LIN28B: variants seen among roughly 807,000 people sequenced by gnomAD.
The protein encoded by LIN28B is lin-28 RNA binding posttranscriptional regulator B.
A neutral mutation model predicts 21.9 loss-of-function variants in LIN28B; 5 were observed. The ratio of observed to expected loss-of-function variants is 0.23; its 90% CI spans 0.12 to 0.48. The LOEUF (loss-of-function observed/expected upper bound fraction) is 0.48. Among genes scored for constraint, LIN28B ranks in the 20% least tolerant of loss-of-function variants. LIN28B has a pLI of 0.98. For synonymous variants in LIN28B, 109 were observed against 111.3 expected (o/e 0.98, Z 0.13); for missense variants, 245 against 310.5 (o/e 0.79, Z 1.58).
At chr6:105,077,907 G>A (rs1364613254) in intron 3 of LIN28B, among the ~76,000 whole-genome samples, 1 of 152,064 alleles carries the variant, frequency 6.6e-6, no homozygotes, top group Non-Finnish European at 1.5e-5. Flanking sequence ...GGTTTCTACA[G>A]TCAAAATAAT....
intron 2 of LIN28B, among the ~76,000 whole-genome samples, chr6:104,997,485 A>G (rs1399256074): frequency 1.3e-5 from 2 of 151,974 alleles, no homozygotes; most frequent in Non-Finnish European, 2.9e-5. Context: ...CTGTATCTAT[A>G]TGTATAGTTT....
chr6:104,982,996 CAG>C (rs1353652677), intron 2 of LIN28B, among the ~76,000 whole-genome samples: 1 of 151,940 alleles, frequency 6.6e-6, no homozygotes, highest in Non-Finnish European at 1.5e-5. Flanking sequence ...TTGGTAGAGA[CAG>C]GGTCTTATTC....
chr6:105,014,765 G>GATAA (rs548935957), intron 2 of LIN28B, among the ~76,000 whole-genome samples: 13 of 152,040 alleles, frequency 8.6e-5, no homozygotes, highest in African/African-American at 2.4e-4. Flanking sequence ...TTTAAAAATA[G>GATAA]ATAAATAAAT....
At chr6:105,070,873 A>C (rs1772321033) in intron 3 of LIN28B, among the ~76,000 whole-genome samples, 1 of 151,968 alleles carries the variant, frequency 6.6e-6, no homozygotes, top group South Asian at 2.1e-4. Flanking sequence ...TGGTTTTTAC[A>C]TTCATTCATT....
intron 2 of LIN28B, among the ~76,000 whole-genome samples, chr6:104,979,914 A>G (rs1295958151): frequency 6.6e-6 from 1 of 152,162 alleles, no homozygotes; most frequent in Non-Finnish European, 1.5e-5. Context: ...GCCATTTATT[A>G]TTTTTAAAAA....
intron 2 of LIN28B, chr6:104,941,418 C>G (rs1778090189): frequency 7.5e-6 from 1 of 132,836 alleles, no homozygotes. Context: ...CGGTTGCTGC[C>G]GGGCGGCCAA....
intron 3 of LIN28B, among the ~76,000 whole-genome samples, chr6:105,036,442 T>A (rs956601009): frequency 3.3e-5 from 5 of 152,238 alleles, no homozygotes; most frequent in Admixed American, 6.5e-5. Context: ...AGGATGGTTA[T>A]CCAAGTCCTT....
chr6:105,023,209 G>GGA (rs866302609), intron 2 of LIN28B, among the ~76,000 whole-genome samples: 3 of 45,014 alleles, frequency 6.7e-5, no homozygotes, highest in Admixed American at 5.2e-4. Context: ...AGTTTCTTAT[G>GGA]GATATATATA....
chr6:105,024,400 T>C (rs1771243840), intron 2 of LIN28B, among the ~76,000 whole-genome samples: 2 of 152,140 alleles, frequency 1.3e-5, no homozygotes, highest in Non-Finnish European at 2.9e-5. Context: ...CTATGCTCCA[T>C]TTCATCTGTA....
chr6:105,010,622 T>C (rs1376493602), intron 2 of LIN28B, among the ~76,000 whole-genome samples: 1 of 152,234 alleles, frequency 6.6e-6, no homozygotes, highest in African/African-American at 2.4e-5. Context: ...GATTCATCTG[T>C]TTATCTTTTT....
In LIN28B at chr6:105,026,231, A is replaced by T. The variant is rs536791728; in HGVS notation, c.199-67A>T. 41 of 817,268 alleles carry T rather than the reference A, an allele frequency of 5.0e-5. No individual in the cohort carries two copies. The Middle Eastern group carries it at 1.7e-3, about 34-fold the overall frequency. The allele number at this position is 817,268 out of a possible 1,614,324, so 50.6% of individuals were successfully genotyped here. Reference sequence around the variant, plus strand: ...ATCTTTCTTTTTTAAAATTATAGAGATAATTTATAAAGCAATGATAATTTT... The same window carrying T: ...ATCTTTCTTTTTTAAAATTATAGAGTTAATTTATAAAGCAATGATAATTTT... On this transcript the variant is annotated intron_variant, in intron 2 of 3. Transcript: ENST00000345080.
intron 2 of LIN28B, among the ~76,000 whole-genome samples, chr6:105,008,669 A>T (rs1352982070): frequency 6.6e-6 from 1 of 152,076 alleles, no homozygotes; most frequent in African/African-American, 2.4e-5. Flanking sequence ...GAGCATACCA[A>T]TATCAAGTAA....
intron 3 of LIN28B, among the ~76,000 whole-genome samples, chr6:105,026,979 G>A (rs1241524776): frequency 1.3e-5 from 2 of 151,936 alleles, no homozygotes; most frequent in African/African-American, 2.4e-5. Context: ...TCACCTAATA[G>A]TATATTATAG....
chr6:104,985,409 T>G (rs1482210447), intron 2 of LIN28B, among the ~76,000 whole-genome samples: 1 of 152,210 alleles, frequency 6.6e-6, no homozygotes, highest in East Asian at 1.9e-4. Context: ...AAGGTGTGTT[T>G]GTTCGAATTC....
chr6:104,966,193 A>T (rs1302100416), intron 2 of LIN28B, among the ~76,000 whole-genome samples: 1 of 152,180 alleles, frequency 6.6e-6, no homozygotes, highest in Non-Finnish European at 1.5e-5. Flanking sequence ...GTGAGAAAAA[A>T]AACCATGGGA....
At position 105,043,373 on chromosome 6, in the gene LIN28B, GAAA is replaced by G. The variant is rs1331196933; in HGVS notation, c.383+16893_383+16895del. Among the ~76,000 whole-genome samples, 718 of 71,980 alleles carry G rather than the reference GAAA, an allele frequency of 1.0e-2. 7 individuals carry two copies. Among genetic ancestry groups the G allele is most frequent in the African/African-American group, 0.04 (692 of 17,104 alleles). 47.2% of individuals were successfully genotyped at this position (71,980 alleles called of 152,430 possible). A position where few individuals can be genotyped will look rare whatever the true frequency, so the allele number is the denominator to read the frequency against. On this transcript the variant is annotated intron_variant, in intron 3 of 3. Transcript: ENST00000345080. ...AAAAAAAAAAAAAAAAAAAAAAAAAGAAAACTAAAACTATACAAAGTTAGTATA... is the reference window on the plus strand; with the variant it reads ...AAAAAAAAAAAAAAAAAAAAAAAAAGACTAAAACTATACAAAGTTAGTATA...
chr6:104,946,320 C>T (rs1455493725), intron 2 of LIN28B, among the ~76,000 whole-genome samples: 1 of 152,046 alleles, frequency 6.6e-6, no homozygotes, highest in African/African-American at 2.4e-5. Context: ...GAGGGTACAT[C>T]AGCAACATTT....
intron 3 of LIN28B, among the ~76,000 whole-genome samples, chr6:105,050,944 G>A (rs1209816006): frequency 6.6e-6 from 1 of 151,400 alleles, no homozygotes; most frequent in Non-Finnish European, 1.5e-5. Flanking sequence ...GCTAGGAGTG[G>A]TGGCTCATGG....
At chr6:105,068,680 T>C (rs1421381298) in intron 3 of LIN28B, among the ~76,000 whole-genome samples, 4 of 152,322 alleles carry the variant, frequency 2.6e-5, no homozygotes, top group Admixed American at 2.6e-4. Flanking sequence ...TGCTTTTTAT[T>C]TGATAATACT....
Sources: gnomAD v4.1 joint callset for allele counts (sites outside exome capture counted in the v4.1 genomes callset) on GRCh38, gnomAD v4.1.1 for gene constraint, MANE v1.5 for transcripts, NCBI Gene and HGNC (gene_info 2026-07-23, HGNC 2026-07-21) for gene names.